Variants in BORCS7 observed in about 807,000 individuals in gnomAD.
The protein encoded by BORCS7 is BLOC-1-related complex subunit 7.
In BORCS7, 20 loss-of-function variants were observed where a neutral mutation model predicts 17.5. That is an observed-to-expected ratio of 1.14 (90% confidence interval 0.80 to 1.66). The LOEUF is 1.66. Among genes scored for constraint, BORCS7 ranks in the 40% most tolerant of loss-of-function variants. The probability of loss-of-function intolerance (pLI) is 0.00; values close to 1 mark genes in which losing one functional copy is unlikely to be tolerated. For missense variants in BORCS7, 122 were observed against 129.7 expected, an observed-to-expected ratio of 0.94 and a Z score of 0.29; for synonymous variants, 57 against 49.8, an observed-to-expected ratio of 1.14 and a Z score of -0.61.
In BORCS7 at chr10:102,862,827, A is replaced by G. The variant is rs766766295; in HGVS notation, c.270-46A>G. On this transcript the variant is annotated intron_variant, in intron 4 of 4. Coordinates refer to ENST00000339834, the MANE Select transcript of BORCS7 (RefSeq NM_001136200.2). ...TAAATAGTTGTACAAAGATGTCTTTATTATTGCTCATTTCAGATAAACCCT... is the reference window on the plus strand; with the variant it reads ...TAAATAGTTGTACAAAGATGTCTTTGTTATTGCTCATTTCAGATAAACCCT... 3.3e-6 allele frequency: 5 copies of G among 1,531,790 alleles called. No individual in the cohort carries two copies. The Admixed American group carries it at 5.0e-5, about 15-fold the overall frequency. 94.9% of individuals were successfully genotyped at this position (1,531,790 alleles called of 1,614,324 possible).
chr10:102,858,024 G>T (rs553552861), intron 1 of BORCS7, among the ~76,000 whole-genome samples: 2 of 151,854 alleles, frequency 1.3e-5, no homozygotes, highest in African/African-American at 4.8e-5. Flanking sequence ...AACTATCTGC[G>T]CATGGTGGCA....
At chr10:102,854,878 T>C (rs989323190) in intron 1 of BORCS7, among the ~76,000 whole-genome samples, 1 of 147,922 alleles carries the variant, frequency 6.8e-6, no homozygotes, top group Non-Finnish European at 1.5e-5. Context: ...ATAAGTATTA[T>C]ATATTACGTA....
intron 3 of BORCS7, among the ~76,000 whole-genome samples, chr10:102,861,826 A>T (rs1041798402): frequency 6.6e-6 from 1 of 152,208 alleles, no homozygotes; most frequent in Non-Finnish European, 1.5e-5. Flanking sequence ...CATAATCATT[A>T]GTCATTCTTT....
chr10:102,860,818 C>T (rs1018947004), intron 3 of BORCS7: 3 of 552,852 alleles, frequency 5.4e-6, no homozygotes, highest in Non-Finnish European at 9.8e-6. Flanking sequence ...AAGGCAGGGC[C>T]CGTGCCAGGA....
rs1157567428 is a variant in BORCS7, at chr10:102,854,427, G to A, written c.141G>A (p.Glu47=). ...TGCTGAAAGGCTCCCGGAGCTCCGA[G>A]GTGAGCTGGAAGTGGACTCTCCCGG... is the stretch of plus-strand genomic sequence containing the variant. ...KQVLKGSRSS[E]LLGQAARNMV... The change falls in exon 1 of 5, where the codon GAG becomes GAA. Residue 47 remains glutamate, a splice_region_variant and synonymous_variant. Coordinates refer to ENST00000339834, the MANE Select transcript of BORCS7 (RefSeq NM_001136200.2). 6.5e-7 allele frequency: 1 copy of A among 1,535,238 alleles called. No individual in the cohort carries two copies. Among genetic ancestry groups the A allele is most frequent in the East Asian group, 2.5e-5 (1 of 40,564 alleles).
rs1844545620 is a variant in BORCS7, at chr10:102,863,085, C to T, written c.*161C>T. ...GCGCGGTAGCTCACGCCTGTAATCC[C>T]AGCACTTTGGGAGGCCGAGGCGGGT... On this transcript the variant is annotated 3_prime_UTR_variant, in exon 5 of 5. Transcript: ENST00000339834. 1 of 589,924 alleles carries T rather than the reference C, an allele frequency of 1.7e-6. No homozygotes were observed. The highest frequency in any genetic ancestry group is 3.0e-6 in the Non-Finnish European group (1 of 337,718). 36.5% of individuals were successfully genotyped at this position (589,924 alleles called of 1,614,324 possible).
chr10:102,859,538 C>G (rs1405134870), intron 1 of BORCS7, among the ~76,000 whole-genome samples: 2 of 151,452 alleles, frequency 1.3e-5, no homozygotes, highest in Non-Finnish European at 2.9e-5. Flanking sequence ...TCCCCACACC[C>G]CCCACTGTTT....
At chr10:102,861,190 G>A (rs1052299079) in intron 3 of BORCS7, among the ~76,000 whole-genome samples, 27 of 152,180 alleles carry the variant, frequency 1.8e-4, no homozygotes, top group African/African-American at 2.9e-4. Flanking sequence ...CGAGGAGGGC[G>A]GATCACCTGA....
At position 102,854,365 on chromosome 10, in the gene BORCS7, A is replaced by G. The variant is rs570505102; in HGVS notation, c.79A>G (p.Thr27Ala). Reference protein sequence around the residue: ...VKGLLTEKVTTCGTDVIALTK... With the variant: ...VKGLLTEKVTACGTDVIALTK... ...GGGGCTTCTCACGGAGAAGGTGACC[A>G]CCTGTGGTACTGACGTAATCGCGCT... Residue 27 changes from threonine (T) to alanine (A), a missense_variant, in exon 1 of 5, where the codon ACC becomes GCC. Coordinates refer to ENST00000339834, the MANE Select transcript of BORCS7 (RefSeq NM_001136200.2). 1.9e-6 allele frequency: 3 copies of G among 1,578,256 alleles called. No individual in the cohort carries two copies. Among genetic ancestry groups the G allele is most frequent in the African/African-American group, 2.7e-5 (2 of 74,612 alleles).
rs1291789731 is a variant in BORCS7, at chr10:102,859,559, AT to A, written c.142-763del. Among the ~76,000 whole-genome samples the A allele has an allele frequency of 5.0e-3, 581 of 115,438 alleles. 12 individuals are homozygous for A. The East Asian group carries it at 0.08, about 16-fold the overall frequency. 75.7% of individuals were successfully genotyped at this position (115,438 alleles called of 152,430 possible). On this transcript the variant is annotated intron_variant, in intron 1 of 4. Coordinates refer to ENST00000339834, the MANE Select transcript of BORCS7 (RefSeq NM_001136200.2). Reference sequence around the variant, plus strand: ...CACCCCCCACTGTTTCTCTTATTCCATTTTTTTTTTCTTTTTTTTTTTTTGA... The same window carrying A: ...CACCCCCCACTGTTTCTCTTATTCCATTTTTTTTTCTTTTTTTTTTTTTGA...
chr10:102,857,380 A>G (rs995513866), intron 1 of BORCS7, among the ~76,000 whole-genome samples: 1 of 152,054 alleles, frequency 6.6e-6, no homozygotes, highest in Admixed American at 6.6e-5. Flanking sequence ...TTTTTCTGCC[A>G]TCGGTTTGTA....
intron 1 of BORCS7, among the ~76,000 whole-genome samples, chr10:102,855,330 G>C (rs1199176271): frequency 6.6e-6 from 1 of 151,518 alleles, no homozygotes; most frequent in Non-Finnish European, 1.5e-5. Context: ...GGCTATTTTT[G>C]TATTCTTAGT....
chr10:102,860,635 C>A, intron 3 of BORCS7, 94 bp downstream of exon 3: 2 of 1,373,808 alleles, frequency 1.5e-6, no homozygotes. Context: ...CCTGTGGAGG[C>A]CAGAGTGGGA....
chr10:102,861,245 T>A (rs1016289161), intron 3 of BORCS7, among the ~76,000 whole-genome samples: 24 of 151,714 alleles, frequency 1.6e-4, no homozygotes, highest in Admixed American at 6.6e-5. Context: ...TGAAACCCCG[T>A]CTCTACTAAA....
rs1844568118 is a variant in BORCS7, at chr10:102,864,738, AC to A, written c.*1815del. 6.6e-6 allele frequency: 1 copy of A among 152,200 alleles called. No homozygotes were observed. The highest frequency in any genetic ancestry group is 2.4e-5 in the African/African-American group (1 of 41,472). 9.4% of individuals were successfully genotyped at this position (152,200 alleles called of 1,614,324 possible). ...AATGTTAGAACAGGTGGAAATGTAT[AC>A]ATTATTTGATGGTTTGTTTTTTTAT... On this transcript the variant is annotated 3_prime_UTR_variant, in exon 5 of 5. Coordinates refer to ENST00000339834, the MANE Select transcript of BORCS7 (RefSeq NM_001136200.2).
chr10:102,858,178 T>TAA (rs1476013480), intron 1 of BORCS7, among the ~76,000 whole-genome samples: 3 of 123,658 alleles, frequency 2.4e-5, no homozygotes, highest in African/African-American at 6.1e-5. Flanking sequence ...AAAAAAAAAA[T>TAA]ATATATATAT....
At chr10:102,854,609 A>G in intron 1 of BORCS7, 182 bp downstream of exon 1, 4 of 671,238 alleles carry the variant, frequency 6.0e-6, no homozygotes, top group Non-Finnish European at 9.3e-6. Context: ...GGTTAGGGAC[A>G]GTGTGTGAGG....
At chr10:102,854,965 A>G (rs888601885) in intron 1 of BORCS7, among the ~76,000 whole-genome samples, 1 of 147,122 alleles carries the variant, frequency 6.8e-6, no homozygotes, top group South Asian at 2.1e-4. Flanking sequence ...TATATATTAT[A>G]TATAATATAT....
At chr10:102,859,064 G>A (rs1844473144) in intron 1 of BORCS7, among the ~76,000 whole-genome samples, 1 of 151,646 alleles carries the variant, frequency 6.6e-6, no homozygotes, top group Non-Finnish European at 1.5e-5. Context: ...TCCAAGCTCT[G>A]CTTTTCTCTT....
Sources: allele counts gnomAD v4.1 joint callset (sites outside exome capture counted in the v4.1 genomes callset), GRCh38; gene constraint gnomAD v4.1.1; transcripts MANE v1.5; gene names NCBI Gene and HGNC (gene_info 2026-07-23, HGNC 2026-07-21).